GBA2: variants seen among roughly 807,000 people sequenced by gnomAD.
The protein encoded by GBA2 is non-lysosomal glucosylceramidase.
In GBA2, 79 loss-of-function variants were observed where a neutral mutation model predicts 112.9. That is an observed-to-expected ratio of 0.70 (90% confidence interval 0.58 to 0.84). GBA2 has a LOEUF of 0.84. GBA2 is among the 40% of genes least tolerant of loss of function. The probability of loss-of-function intolerance (pLI) is 0.00; values close to 1 mark genes in which losing one functional copy is unlikely to be tolerated. For missense variants in GBA2, 1,043 were observed against 1,190.0 expected (o/e 0.88, Z 1.82); for synonymous variants, 403 against 434.3 (o/e 0.93, Z 0.90).
rs1340602853 is a variant in GBA2, at chr9:35,736,930, C to A, written c.*239G>T. On this transcript the variant is annotated 3_prime_UTR_variant, in exon 17 of 17. Coordinates refer to ENST00000378103, the MANE Select transcript of GBA2 (RefSeq NM_020944.3). ...ACACCATGAATGTACCTGGGGAAATCAACTGACCTCCCTGAACATTTCACG... is the reference window on the plus strand; with the variant it reads ...ACACCATGAATGTACCTGGGGAAATAAACTGACCTCCCTGAACATTTCACG... 5.4e-6 allele frequency: 4 copies of A among 746,982 alleles called. No individual in the cohort carries two copies. Among genetic ancestry groups the A allele is most frequent in the African/African-American group, 3.5e-5 (2 of 56,652 alleles). The allele number at this position is 746,982 out of a possible 1,614,324, so 46.3% of individuals were successfully genotyped here.
At chr9:35,744,216 T>C in intron 3 of GBA2, 81 bp downstream of exon 3, 2 of 786,878 alleles carry the variant, frequency 2.5e-6, no homozygotes, top group Middle Eastern at 4.5e-4. Context: ...ATCTAACTGC[T>C]ACCTTCTACA....
rs777643568 is a variant in GBA2 at position 35,740,572 on chromosome 9, C to A, written c.1083G>T (p.Gln361His). 3 of 1,613,978 alleles carry A rather than the reference C, an allele frequency of 1.9e-6. No homozygotes were observed. The highest frequency in any genetic ancestry group is 3.3e-5 in the Admixed American group (2 of 60,000). ...CATCCTGAAGTAGATCCTGCCACAC[C>A]TGCTGCCCCGTGCTGTCAGGGTCAA... ...TAFDPDSTGQ[Q>H]VWQDLLQDGQ... is the part of the protein sequence containing the mutation. Residue 361 changes from glutamine (Q) to histidine (H), a missense_variant, in exon 6 of 17, where the codon CAG becomes CAT. Physicochemically the swap from Gln to His is conservative, Grantham distance 24. Coordinates refer to ENST00000378103, the MANE Select transcript of GBA2 (RefSeq NM_020944.3). The surrounding 1 kb of genome is among the most constrained non-coding windows in gnomAD (Gnocchi z 4.7).
intron 1 of GBA2, among the ~76,000 whole-genome samples, chr9:35,747,003 A>C (rs1248029453): frequency 1.3e-5 from 2 of 152,128 alleles, no homozygotes; most frequent in African/African-American, 4.8e-5. Flanking sequence ...CTCCCTTAAT[A>C]TGGTAGCTGG....
rs200824511 is a variant in GBA2, at chr9:35,741,829, C to T, written c.629G>A (p.Arg210His). ...GTTCCAGCTGCGGAGGACACTTGGG[C>T]GCTCCAGGGACAGGACTTGCTGGTA... ...TVYQQVLSLE[R>H]PSVLRSWNWG... The change falls in exon 4 of 17, where the codon CGC (arginine) becomes CAC (histidine). Residue 210 changes from arginine to histidine, a missense_variant. Coordinates refer to ENST00000378103, the MANE Select transcript of GBA2 (RefSeq NM_020944.3). The surrounding 1 kb of genome is among the most constrained non-coding windows in gnomAD (Gnocchi z 4.6). The T allele has an allele frequency of 1.8e-5, 29 of 1,613,826 alleles. No individual in the cohort carries two copies. Among genetic ancestry groups the T allele is most frequent in the East Asian group, 1.3e-4 (6 of 44,872 alleles).
chr9:35,741,159 C>T lies in GBA2; in HGVS notation c.787-95G>A. 7.7e-7 allele frequency: 1 copy of T among 1,296,268 alleles called. No homozygotes were observed. Among genetic ancestry groups the T allele is most frequent in the Non-Finnish European group, 1.1e-6 (1 of 920,540 alleles). 80.3% of individuals were successfully genotyped at this position (1,296,268 alleles called of 1,614,324 possible). ...TCCTGGGCACACAGAGGACCTGACT[C>T]AAATACTCCCCAGTGTACTCTTCTT... On this transcript the variant is annotated intron_variant, in intron 4 of 16. Coordinates refer to ENST00000378103, the MANE Select transcript of GBA2 (RefSeq NM_020944.3). The surrounding 1 kb of genome is among the most constrained non-coding windows in gnomAD (Gnocchi z 4.6).
chr9:35,744,754 G>C, intron 1 of GBA2, 48 bp from the exon 2 acceptor site: 1 of 1,003,120 alleles, frequency 1.0e-6, no homozygotes, highest in Non-Finnish European at 1.6e-6. Flanking sequence ...GTGGGCAGCT[G>C]TTCACAGGCT....
At position 35,737,305 on chromosome 9, in the gene GBA2, A is replaced by G; in HGVS notation, c.2648T>C (p.Ile883Thr). Reference sequence around the variant, plus strand: ...TTGCAGGGCTAGCTGCATGGCCCATATGCTCAGTGGCCGCATGTAGGCCAG... The same window carrying G: ...TTGCAGGGCTAGCTGCATGGCCCATGTGCTCAGTGGCCGCATGTAGGCCAG... ...RSLAYMRPLS[I>T]WAMQLALQQQ... Residue 883 changes from isoleucine (I) to threonine (T), a missense_variant, in exon 17 of 17, where the codon ATA becomes ACA. Coordinates refer to ENST00000378103, the MANE Select transcript of GBA2 (RefSeq NM_020944.3). The surrounding 1 kb of genome is among the most constrained non-coding windows in gnomAD (Gnocchi z 4.1). The G allele has an allele frequency of 6.2e-7, 1 of 1,614,096 alleles. No homozygotes were observed. Among genetic ancestry groups the G allele is most frequent in the Non-Finnish European group, 8.5e-7 (1 of 1,179,994 alleles).
chr9:35,742,671 C>T (rs766914002), intron 3 of GBA2, among the ~76,000 whole-genome samples: 6 of 152,098 alleles, frequency 3.9e-5, no homozygotes, highest in Admixed American at 6.5e-5. Context: ...AGGGAATGAG[C>T]GAAATCTGCA....
At chr9:35,739,963 C>A in intron 8 of GBA2, 35 bp downstream of exon 8, 5 of 1,612,396 alleles carry the variant, frequency 3.1e-6, no homozygotes, top group Non-Finnish European at 4.2e-6. Context: ...GAGTGAGTGC[C>A]CAGGAGAAAG....
chr9:35,738,759 A>G lies in GBA2; in HGVS notation c.1940T>C (p.Val647Ala). 3.1e-6 allele frequency: 5 copies of G among 1,614,138 alleles called. No homozygotes were observed. Among genetic ancestry groups the G allele is most frequent in the Non-Finnish European group, 4.2e-6 (5 of 1,179,966 alleles). ...TGCATGTGCATCCCTTACTAGACAC[A>G]CAGGCCACATGTCCTTCAGGAAGTT... is the stretch of plus-strand genomic sequence containing the variant. ...DQNFLKDMWPVCLAVMESEMK... is the reference protein window; with the variant it reads ...DQNFLKDMWPACLAVMESEMK... The change falls in exon 12 of 17, where the codon GTG (valine) becomes GCG (alanine). Residue 647 changes from valine (V) to alanine (A), a missense_variant. Coordinates refer to ENST00000378103, the MANE Select transcript of GBA2 (RefSeq NM_020944.3).
At chr9:35,744,540 G>T (rs1826876234) in intron 2 of GBA2, 75 bp downstream of exon 2, 1 of 1,076,112 alleles carries the variant, frequency 9.3e-7, no homozygotes, top group South Asian at 1.3e-5. Context: ...GCATAAGCTG[G>T]AAGTCTCTTC....
At chr9:35,742,164 G>A (rs1052412178) in intron 3 of GBA2, 2 of 512,472 alleles carry the variant, frequency 3.9e-6, no homozygotes, top group Non-Finnish European at 7.1e-6. Context: ...TTTCATCTGG[G>A]TAGCAGAGTG....
At position 35,747,840 on chromosome 9, in the gene GBA2, C is replaced by T. The variant is rs896779454; in HGVS notation, c.359+506G>A. Among the ~76,000 whole-genome samples, 120 of 152,230 alleles carry T rather than the reference C, an allele frequency of 7.9e-4. 10 individuals are homozygous for T. Among genetic ancestry groups the T allele is most frequent in the Non-Finnish European group, 4.4e-5 (3 of 68,046 alleles). On this transcript the variant is annotated intron_variant, in intron 1 of 16. Coordinates refer to ENST00000378103, the MANE Select transcript of GBA2 (RefSeq NM_020944.3). Reference sequence around the variant, plus strand: ...GGTGAGGGCAGGGAGGCTCTTCTTACCTACTCCCTGGAGCTAAAGCTTGAA... The same window carrying T: ...GGTGAGGGCAGGGAGGCTCTTCTTATCTACTCCCTGGAGCTAAAGCTTGAA...
chr9:35,738,990 G>A lies in GBA2; in HGVS notation c.1795+12C>T, dbSNP rs767740677. The A allele has an allele frequency of 4.4e-6, 7 of 1,608,162 alleles. No homozygotes were observed. In the Admixed American group the frequency reaches 1.2e-4, roughly 27 times the overall value. On this transcript the variant is annotated intron_variant, in intron 11 of 16. Coordinates refer to ENST00000378103, the MANE Select transcript of GBA2 (RefSeq NM_020944.3). ...TTGAGGGAGGGAAGCTGACCTTGGG[G>A]TGGACTTTTACCTGGGTCCCCAATA...
Position 35,739,724 on chromosome 9 carries a change from C to G in GBA2, c.1486G>C (p.Glu496Gln), listed in dbSNP as rs750035212. ...FLADGGTVWL[E>Q]VLEDSLPEEL... is the part of the protein sequence containing the mutation. ...TCTGGTAGGGAGTCCTCAAGAACTT[C>G]CAGCCACACTGTGCCTCCATCAGCC... The change falls in exon 9 of 17, where the codon GAA (glutamate) becomes CAA (glutamine). Residue 496 changes from glutamate to glutamine, a missense_variant. Coordinates refer to ENST00000378103, the MANE Select transcript of GBA2 (RefSeq NM_020944.3). 1.2e-6 allele frequency: 2 copies of G among 1,613,970 alleles called. No homozygotes were observed. The highest frequency in any genetic ancestry group is 2.2e-5 in the South Asian group (2 of 91,076).
At chr9:35,738,437 T>C (rs1251783826) in intron 13 of GBA2, 63 bp from the exon 14 acceptor site, 10 of 1,597,092 alleles carry the variant, frequency 6.3e-6, no homozygotes, top group East Asian at 2.2e-5. Context: ...TGCCGTGTAA[T>C]AGACAATGAG....
chr9:35,741,299 C>T lies in GBA2; in HGVS notation c.787-235G>A. On this transcript the variant is annotated intron_variant, in intron 4 of 16. Transcript: ENST00000378103. The surrounding 1 kb of genome is among the most constrained non-coding windows in gnomAD (Gnocchi z 4.6). ...GCCAGTGTGATGTTCATGGCTCCAA[C>T]CTCCCTTTCACAGGCCATGCAGTTT... The T allele has an allele frequency of 3.5e-6, 2 of 570,976 alleles. No individual in the cohort carries two copies. The highest frequency in any genetic ancestry group is 3.1e-6 in the Non-Finnish European group (1 of 324,206). The allele number at this position is 570,976 out of a possible 1,614,324, so 35.4% of individuals were successfully genotyped here.
Position 35,748,958 on chromosome 9 carries a change from T to C in GBA2, c.-254A>G, listed in dbSNP as rs1031195651. On this transcript the variant is annotated 5_prime_UTR_variant, in exon 1 of 17. An upstream start codon of the reference 5' UTR is lost. Coordinates refer to ENST00000378103, the MANE Select transcript of GBA2 (RefSeq NM_020944.3). The stretch of plus-strand genomic sequence containing the variant: ...CGGGAAGGGTCGGGCCTCGTCGTCA[T>C]TGAGCCGACGATTAGCTCGCCCGGC... 2 of 362,006 alleles carry C rather than the reference T, an allele frequency of 5.5e-6. No homozygotes were observed. Among genetic ancestry groups the C allele is most frequent in the Non-Finnish European group, 9.8e-6 (2 of 203,574 alleles). 22.4% of individuals were successfully genotyped at this position (362,006 alleles called of 1,614,324 possible).
In GBA2 at chr9:35,741,340, T is replaced by TTG; in HGVS notation, c.787-277_787-276insCA. 2.4e-5 allele frequency: 11 copies of TTG among 465,030 alleles called. No homozygotes were observed. The highest frequency in any genetic ancestry group is 5.7e-5 in the South Asian group (2 of 34,838). The allele number at this position is 465,030 out of a possible 1,614,324, so 28.8% of individuals were successfully genotyped here. A position where few individuals can be genotyped will look rare whatever the true frequency, so the allele number is the denominator to read the frequency against. On this transcript the variant is annotated intron_variant, in intron 4 of 16. Coordinates refer to ENST00000378103, the MANE Select transcript of GBA2 (RefSeq NM_020944.3). This position sits in a 1 kb window ranked among gnomAD's most constrained non-coding sequence, Gnocchi z 4.6. ...CATGCAGTTTCTTTTTTTTTTTTTT[T>TTG]GGGGGGTGCGGTGGCGCAATCTCGG...
Sources: gnomAD v4.1 joint callset for allele counts (sites outside exome capture counted in the v4.1 genomes callset) on GRCh38, gnomAD v4.1.1 for gene constraint, Gnocchi (gnomAD v3.1) non-coding constraint, MANE v1.5 for transcripts, NCBI Gene and HGNC (gene_info 2026-07-23, HGNC 2026-07-21) for gene names.